SMARCA2: variants seen among roughly 807,000 people sequenced by gnomAD.
SMARCA2 encodes the protein SWI/SNF-related matrix-associated actin-dependent regulator of chromatin subfamily A member 2.
A neutral mutation model predicts 199.8 loss-of-function variants in SMARCA2; 61 were observed. The ratio of observed to expected loss-of-function variants is 0.31; its 90% CI spans 0.25 to 0.38. The LOEUF is 0.38. Ranked by LOEUF, SMARCA2 falls within the 10% of genes least tolerant of loss-of-function variation. SMARCA2 has a pLI of 1.00. For missense variants in SMARCA2, 1,344 were observed against 2,012.2 expected, an observed-to-expected ratio of 0.67 and a Z score of 6.35; for synonymous variants, 935 against 732.0, an observed-to-expected ratio of 1.28 and a Z score of -4.48.
In SMARCA2 at chr9:2,193,018, A is replaced by G; in HGVS notation, c.*279A>G. The stretch of plus-strand genomic sequence containing the variant: ...TGGAAAATATGTGGGTGGATAGTAT[A>G]TTTCTATGGGTGGGTCTAATTTGGT... On this transcript the variant is annotated 3_prime_UTR_variant, in exon 34 of 34. Transcript: ENST00000349721. 2.6e-6 allele frequency: 1 copy of G among 382,746 alleles called. No homozygotes were observed. The highest frequency in any genetic ancestry group is 4.6e-6 in the Non-Finnish European group (1 of 215,304). The allele number at this position is 382,746 out of a possible 1,614,324, so 23.7% of individuals were successfully genotyped here. A position where few individuals can be genotyped will look rare whatever the true frequency, so the allele number is the denominator to read the frequency against.
chr9:2,040,138 G>A, intron 4 of SMARCA2: 1 of 823,212 alleles, frequency 1.2e-6, no homozygotes, highest in Non-Finnish European at 1.8e-6. Flanking sequence ...GAGACCCAGG[G>A]AAAAAGCACC....
intron 4 of SMARCA2, chr9:2,043,902 A>AT (rs1819721425): frequency 6.6e-6 from 1 of 152,216 alleles, no homozygotes; most frequent in Non-Finnish European, 1.5e-5. Flanking sequence ...GGGAAAGCAG[A>AT]TGGCATTTTG....
At chr9:2,055,972 CTG>C (rs1820335147) in intron 6 of SMARCA2, among the ~76,000 whole-genome samples, 1 of 152,150 alleles carries the variant, frequency 6.6e-6, no homozygotes, top group African/African-American at 2.4e-5. Context: ...ATTAAATTAA[CTG>C]TAACTAATGA....
intron 27 of SMARCA2, among the ~76,000 whole-genome samples, chr9:2,145,631 G>C (rs767837425): frequency 1.3e-4 from 20 of 152,138 alleles, no homozygotes; most frequent in African/African-American, 9.7e-5. Context: ...CTTGAAGATT[G>C]ACATTAAAAT....
intron 17 of SMARCA2, chr9:2,085,999 G>A (rs1266931756): frequency 2.0e-5 from 3 of 152,252 alleles, no homozygotes; most frequent in Non-Finnish European, 1.5e-5. Flanking sequence ...GGCCATATAA[G>A]CATTCTGGAC....
At chr9:2,172,216 C>T (rs1228176088) in intron 29 of SMARCA2, among the ~76,000 whole-genome samples, 1 of 149,678 alleles carries the variant, frequency 6.7e-6, no homozygotes, top group East Asian at 2.0e-4. Flanking sequence ...TCAAAAGAGG[C>T]TCTTTGTAAG....
intron 29 of SMARCA2, chr9:2,181,337 A>G (rs1293989459): frequency 5.1e-6 from 2 of 391,486 alleles, no homozygotes; most frequent in African/African-American, 2.1e-5. Context: ...TGTATTTCCC[A>G]TATTGTATGT....
rs567103778 is a variant in SMARCA2 at position 2,024,602 on chromosome 9, A to T, written c.-36-4385A>T. Reference sequence around the variant, plus strand: ...GTAAGTTAATATATTATCACAACCAAAGCCTAGTCCTTGCAAGATATCCCT... The same window carrying T: ...GTAAGTTAATATATTATCACAACCATAGCCTAGTCCTTGCAAGATATCCCT... On this transcript the variant is annotated intron_variant, in intron 1 of 33. Transcript: ENST00000349721. Among the ~76,000 whole-genome samples the T allele has an allele frequency of 5.3e-5, 8 of 152,296 alleles. No homozygotes were observed. The South Asian group carries it at 1.7e-3, about 32-fold the overall frequency.
chr9:2,050,220 T>C (rs1820054349), intron 5 of SMARCA2, among the ~76,000 whole-genome samples: 1 of 152,190 alleles, frequency 6.6e-6, no homozygotes, highest in African/African-American at 2.4e-5. Flanking sequence ...GTTCAAACAT[T>C]TTTCCCACTT....
At chr9:2,106,057 G>A (rs185348007) in intron 23 of SMARCA2, among the ~76,000 whole-genome samples, 5 of 152,252 alleles carry the variant, frequency 3.3e-5, no homozygotes, top group East Asian at 1.9e-4. Context: ...ATGGAACACC[G>A]CTCTGTGGGA....
chr9:2,160,219 T>TC, intron 27 of SMARCA2: 1 of 390,966 alleles, frequency 2.6e-6, no homozygotes, highest in African/African-American at 2.0e-5. Flanking sequence ...AGCTTTTTTT[T>TC]TTTTTTTCCT....
intron 5 of SMARCA2, 116 bp downstream of exon 5, chr9:2,047,600 G>C: frequency 8.6e-7 from 1 of 1,167,652 alleles, no homozygotes; most frequent in South Asian, 3.5e-5. Flanking sequence ...TCACCCGTGC[G>C]GTCGGAAAAC....
chr9:2,172,743 G>C (rs963374948), intron 29 of SMARCA2, among the ~76,000 whole-genome samples: 3 of 152,164 alleles, frequency 2.0e-5, no homozygotes, highest in Non-Finnish European at 4.4e-5. Context: ...GCACACCTGA[G>C]TTCTGGGCGT....
At chr9:2,102,218 A>G (rs35882003) in intron 22 of SMARCA2, among the ~76,000 whole-genome samples, 53 of 151,878 alleles carry the variant, frequency 3.5e-4, no homozygotes, top group Non-Finnish European at 6.5e-4. Context: ...TCATTTTTGG[A>G]TCCCAAGGGC....
intron 4 of SMARCA2, chr9:2,044,036 G>C (rs964405748): frequency 6.6e-6 from 1 of 152,218 alleles, no homozygotes; most frequent in Admixed American, 6.5e-5. Context: ...CAGGCCACCG[G>C]TGTCTAGTGT....
At chr9:2,118,299 A>G (rs761667574) in intron 25 of SMARCA2, among the ~76,000 whole-genome samples, 1 of 152,224 alleles carries the variant, frequency 6.6e-6, no homozygotes, top group South Asian at 2.1e-4. Context: ...GGCAAACTAG[A>G]ATAGAAGGTT....
intron 9 of SMARCA2, chr9:2,068,913 A>G (rs1820960963): frequency 6.6e-6 from 1 of 151,920 alleles, no homozygotes. Context: ...AAGATATGAC[A>G]TAACCTTTTG....
chr9:2,111,491 C>CAAAAAAAAAAAA (rs148112929), intron 24 of SMARCA2, among the ~76,000 whole-genome samples: 1 of 86,976 alleles, frequency 1.1e-5, no homozygotes, highest in African/African-American at 3.6e-5. Context: ...GACCGTGTCT[C>CAAAAAAAAAAAA]AAAAAAAAAA....
At chr9:2,116,467 G>T (rs550962822) in intron 25 of SMARCA2, among the ~76,000 whole-genome samples, 1 of 152,288 alleles carries the variant, frequency 6.6e-6, no homozygotes, top group South Asian at 2.1e-4. Flanking sequence ...TTTGATCAGG[G>T]ATCACAGAGC....
Sources: gnomAD v4.1 joint callset for allele counts (sites outside exome capture counted in the v4.1 genomes callset) on GRCh38, gnomAD v4.1.1 for gene constraint, MANE v1.5 for transcripts, NCBI Gene and HGNC (gene_info 2026-07-23, HGNC 2026-07-21) for gene names.